Variants in LHCGR observed in about 807,000 individuals in gnomAD.
LHCGR encodes luteinizing hormone/choriogonadotropin receptor, also known as lutropin-choriogonadotropic hormone receptor.
Under a neutral mutation model 60.7 loss-of-function variants are expected in LHCGR, and 55 were observed. The observed-to-expected ratio is 0.91, with a 90% CI of 0.73 to 1.13. The LOEUF is 1.13. Among genes scored for constraint, LHCGR ranks in the 50% most tolerant of loss-of-function variants. The pLI, the probability that LHCGR is intolerant of heterozygous loss-of-function variation, is 0.00. For missense variants in LHCGR, 862 were observed against 836.0 expected, an observed-to-expected ratio of 1.03 and a Z score of -0.38; for synonymous variants, 337 against 316.5, an observed-to-expected ratio of 1.06 and a Z score of -0.69.
chr2:48,744,464 C>G (rs1322630390), intron 1 of LHCGR, among the ~76,000 whole-genome samples: 1 of 101,948 alleles, frequency 9.8e-6, no homozygotes, highest in Non-Finnish European at 1.9e-5. Flanking sequence ...GCTACAGTAA[C>G]CAAAACAGCA....
At chr2:48,699,149 ATGAAACCTCCCCT>A (rs1558820483) in intron 8 of LHCGR, among the ~76,000 whole-genome samples, 1 of 152,166 alleles carries the variant, frequency 6.6e-6, no homozygotes. Flanking sequence ...TATTCAGAGA[ATGAAACCTCCCCT>A]CAACAATATT....
At chr2:48,735,145 T>A (rs1669157901) in intron 1 of LHCGR, among the ~76,000 whole-genome samples, 1 of 152,238 alleles carries the variant, frequency 6.6e-6, no homozygotes, top group African/African-American at 2.4e-5. Context: ...GTTAGCTTCA[T>A]CAGCTTGGAA....
intron 9 of LHCGR, among the ~76,000 whole-genome samples, chr2:48,697,827 T>TA (rs993195114): frequency 5.3e-5 from 8 of 151,916 alleles, no homozygotes; most frequent in South Asian, 2.1e-4. Flanking sequence ...GCATTAAAAA[T>TA]AAAAAAAGCA....
intron 1 of LHCGR, among the ~76,000 whole-genome samples, chr2:48,748,695 C>T (rs1317627488): frequency 6.6e-6 from 1 of 152,174 alleles, no homozygotes; most frequent in Non-Finnish European, 1.5e-5. Flanking sequence ...CAGATTATTA[C>T]AATAATACCT....
chr2:48,736,465 A>G (rs1669211667), intron 1 of LHCGR, among the ~76,000 whole-genome samples: 2 of 152,152 alleles, frequency 1.3e-5, no homozygotes, highest in South Asian at 4.1e-4. Flanking sequence ...CATCCAGATA[A>G]ATCTAATTAC....
At position 48,688,426 on chromosome 2, in the gene LHCGR, G is replaced by C. The variant is rs1308737348; in HGVS notation, c.1371C>G (p.Leu457=). The change falls in exon 11 of 11, where the codon CTC becomes CTG. Residue 457 remains leucine, a synonymous_variant. Coordinates refer to ENST00000294954, the MANE Select transcript of LHCGR (RefSeq NM_000233.4). The surrounding 1 kb of genome is among the most constrained non-coding windows in gnomAD (Gnocchi z 5.2). ...GCCATCTTTCTAGAGTGATGACGGT[G>C]AGGGTGTAGACAGAAAGTTCACTTG... ...VFASELSVYT[L]TVITLERWHT... 2 of 1,614,214 alleles carry C rather than the reference G, an allele frequency of 1.2e-6. No homozygotes were observed. The highest frequency in any genetic ancestry group is 1.7e-6 in the Non-Finnish European group (2 of 1,180,038).
At chr2:48,737,348 C>G (rs753597765) in intron 1 of LHCGR, among the ~76,000 whole-genome samples, 26 of 152,084 alleles carry the variant, frequency 1.7e-4, no homozygotes, top group Non-Finnish European at 3.4e-4. Context: ...AGAGTTAAAG[C>G]TTTTTTGCCT....
At chr2:48,741,754 C>G (rs1333676868) in intron 1 of LHCGR, among the ~76,000 whole-genome samples, 1 of 151,572 alleles carries the variant, frequency 6.6e-6, no homozygotes, top group East Asian at 1.9e-4. Context: ...AATGTAAAGA[C>G]CATCGAGACT....
Position 48,698,745 on chromosome 2 carries a change from G to C in LHCGR, c.736C>G (p.Gln246Glu). Reference protein sequence around the residue: ...ALPSYGLESIQRLIATSSYSL... With the variant: ...ALPSYGLESIERLIATSSYSL... ...TAGGATGACGTGGCAATTAGCCTCT[G>C]AATGGACTCTAGGCCATAGCTCGGC... Residue 246 changes from glutamine (Q) to glutamate (E), a missense_variant, in exon 9 of 11, where the codon CAG (glutamine) becomes GAG (glutamate). Gln to Glu is a conservative substitution (Grantham distance 29). Coordinates refer to ENST00000294954, the MANE Select transcript of LHCGR (RefSeq NM_000233.4). 3 of 1,614,098 alleles carry C rather than the reference G, an allele frequency of 1.9e-6. No individual in the cohort carries two copies. The highest frequency in any genetic ancestry group is 1.7e-6 in the Non-Finnish European group (2 of 1,179,938).
rs144155685 is a variant in LHCGR at position 48,722,539 on chromosome 2, G to A, written c.536+917C>T. ...GCACCATCCCCCTAGTGCTGTTCTT[G>A]TGATAGAGTTCTCATGAGATCTGAT... On this transcript the variant is annotated intron_variant, in intron 6 of 10. Transcript: ENST00000294954. Among the ~76,000 whole-genome samples, 1,445 of 152,246 alleles carry A rather than the reference G, an allele frequency of 9.5e-3. 15 individuals carry two copies. The highest frequency in any genetic ancestry group is 0.026 in the African/African-American group (1,065 of 41,526).
intron 1 of LHCGR, 87 bp downstream of exon 1, chr2:48,755,424 G>T: frequency 1.2e-6 from 1 of 837,394 alleles, no homozygotes. Flanking sequence ...CAGGGAAAGG[G>T]GGCCAAAGGA....
At chr2:48,703,621 T>A (rs1667515150) in intron 8 of LHCGR, among the ~76,000 whole-genome samples, 1 of 152,192 alleles carries the variant, frequency 6.6e-6, no homozygotes. Flanking sequence ...TAAGCTGGAT[T>A]CCCAGGTATT....
At chr2:48,712,680 T>C (rs958366316) in intron 7 of LHCGR, among the ~76,000 whole-genome samples, 1 of 150,878 alleles carries the variant, frequency 6.6e-6, no homozygotes, top group Non-Finnish European at 1.5e-5. Flanking sequence ...TGTTTACTTA[T>C]AATTAATTAT....
At chr2:48,695,843 A>G (rs1667092890) in intron 9 of LHCGR, among the ~76,000 whole-genome samples, 1 of 152,202 alleles carries the variant, frequency 6.6e-6, no homozygotes, top group South Asian at 2.1e-4. Context: ...CTGGGAACAT[A>G]TGAACATAAC....
At position 48,729,185 on chromosome 2, in the gene LHCGR, A is replaced by T; in HGVS notation, c.276T>A (p.Asn92Lys). ...ACAAATTGAGGAGGTTGTCAAAGGC[A>T]TTAGCTTCTATCCTTTCCAGGGAAT... ...QIDSLERIEA[N>K]AFDNLLNLSE... The change falls in exon 3 of 11, where the codon AAT becomes AAA. Residue 92 changes from asparagine (N) to lysine (K), a missense_variant. By Grantham distance (94) the Asn-to-Lys change is moderately conservative (BLOSUM62 0). Transcript: ENST00000294954. 6 of 1,612,256 alleles carry T rather than the reference A, an allele frequency of 3.7e-6. No homozygotes were observed. Among genetic ancestry groups the T allele is most frequent in the Non-Finnish European group, 4.2e-6 (5 of 1,178,972 alleles).
intron 7 of LHCGR, among the ~76,000 whole-genome samples, chr2:48,713,735 A>T (rs892829653): frequency 3.3e-5 from 5 of 152,196 alleles, no homozygotes; most frequent in Non-Finnish European, 7.3e-5. Context: ...TGCAGGAGGC[A>T]TAAAGTAGGG....
At chr2:48,708,403 A>G (rs1667803094) in intron 8 of LHCGR, among the ~76,000 whole-genome samples, 1 of 152,196 alleles carries the variant, frequency 6.6e-6, no homozygotes, top group Non-Finnish European at 1.5e-5. Context: ...GCTAAAATTC[A>G]TATCTTGACG....
At chr2:48,749,156 G>A (rs1275148899) in intron 1 of LHCGR, among the ~76,000 whole-genome samples, 3 of 152,186 alleles carry the variant, frequency 2.0e-5, no homozygotes, top group African/African-American at 7.2e-5. Context: ...GGCTGAGGTG[G>A]CATTAAGGAA....
Position 48,687,839 on chromosome 2 carries a change from C to T in LHCGR, c.1958G>A (p.Arg653Lys). 1.2e-6 allele frequency: 2 copies of T among 1,614,060 alleles called. No homozygotes were observed. Among genetic ancestry groups the T allele is most frequent in the Non-Finnish European group, 1.7e-6 (2 of 1,180,012 alleles). The change falls in exon 11 of 11, where the codon AGG (arginine) becomes AAG (lysine). Residue 653 changes from arginine to lysine, a missense_variant. Arg to Lys is a conservative substitution (Grantham distance 26, BLOSUM62 2). Transcript: ENST00000294954. ...GGAGGTGTAAGCTGAAAAATCTTTC[C>T]TTCTATAAAGTTCAGCCCGACGTTT... The part of the protein sequence containing the change: ...CCKRRAELYR[R>K]KDFSAYTSNC...
Sources: allele counts gnomAD v4.1 joint callset (sites outside exome capture counted in the v4.1 genomes callset), GRCh38; gene constraint gnomAD v4.1.1; non-coding constraint Gnocchi (gnomAD v3.1); transcripts MANE v1.5; gene names NCBI Gene and HGNC (gene_info 2026-07-23, HGNC 2026-07-21).